The following NOXO1 variants were observed in gnomAD, a reference collection of about 807,000 sequenced individuals.
The protein encoded by NOXO1 is NADPH oxidase regulatory protein.
Under a neutral mutation model 33.3 loss-of-function variants are expected in NOXO1, and 38 were observed. The observed-to-expected ratio is 1.14, with a 90% CI of 0.88 to 1.50. The LOEUF (loss-of-function observed/expected upper bound fraction) is 1.50, where lower values mean the gene tolerates loss of function less well. Ranked by LOEUF, NOXO1 falls within the 40% of genes most tolerant of loss-of-function variation. The pLI, the probability that NOXO1 is intolerant of heterozygous loss-of-function variation, is 0.00. For missense variants in NOXO1, 675 were observed against 527.1 expected, an observed-to-expected ratio of 1.28 and a Z score of -2.75; for synonymous variants, 302 against 237.3, an observed-to-expected ratio of 1.27 and a Z score of -2.51.
At position 1,978,933 on chromosome 16, in the gene NOXO1, T is replaced by G; in HGVS notation, c.*119A>C. 2 of 1,163,708 alleles carry G rather than the reference T, an allele frequency of 1.7e-6. No individual in the cohort carries two copies. The highest frequency in any genetic ancestry group is 1.2e-6 in the Non-Finnish European group (1 of 834,754). The allele number at this position is 1,163,708 out of a possible 1,614,324, so 72.1% of individuals were successfully genotyped here. ...CGGTGGGGGTCATGCAGAACAAGCT[T>G]TACTCAGAGGAACAGCAAATGGCCC... On this transcript the variant is annotated 3_prime_UTR_variant, in exon 8 of 8. Coordinates refer to ENST00000356120, the MANE Select transcript of NOXO1 (RefSeq NM_172167.3).
chr16:1,979,260 C>T lies in NOXO1; in HGVS notation c.908G>A (p.Gly303Glu), dbSNP rs2083443612. The T allele has an allele frequency of 2.0e-6, 3 of 1,534,036 alleles. No homozygotes were observed. Among genetic ancestry groups the T allele is most frequent in the African/African-American group, 1.4e-5 (1 of 71,872 alleles). ...CCGGGCCTCACCCGCCGGGTCGTCTCCTCCACGGAACCCCGTCCCGCTCAG... is the reference window on the plus strand; with the variant it reads ...CCGGGCCTCACCCGCCGGGTCGTCTTCTCCACGGAACCCCGTCCCGCTCAG... ...ALLSGTGFRG[G>E]DDPAGEARGF... The change falls in exon 8 of 8, where the codon GGA (glycine) becomes GAA (glutamate). Residue 303 changes from glycine (G) to glutamate (E), a missense_variant. Transcript: ENST00000356120.
At position 1,980,143 on chromosome 16, in the gene NOXO1, G is replaced by C; in HGVS notation, c.440C>G (p.Ser147Cys). 1.2e-6 allele frequency: 2 copies of C among 1,605,716 alleles called. No homozygotes were observed. The highest frequency in any genetic ancestry group is 2.0e-4 in the Middle Eastern group (1 of 5,030). ...GATGGAGAGGCGGCCCGCAGCGCGA[G>C]AAAGAGGCTGCTCCTCTGGGGTGGG... ...ILPTPEEQPL[S>C]RAAGRLSIHS... is the part of the protein sequence containing the mutation. Residue 147 changes from serine to cysteine, a missense_variant, in exon 5 of 8, where the codon TCT (serine) becomes TGT (cysteine). Physicochemically the swap from Ser to Cys is moderately radical, Grantham distance 112. Transcript: ENST00000356120.
In NOXO1 at chr16:1,981,307, G is replaced by GGGGTCC. The variant is rs2150892277; in HGVS notation, c.-134_-129dup. ...AATCCTGGCAACACCTCAAGCCTGTGGGGTCCTTGTGGAGCCGCCCCAGCT... is the reference window on the plus strand; with the variant it reads ...AATCCTGGCAACACCTCAAGCCTGTGGGGTCCGGGTCCTTGTGGAGCCGCCCCAGCT... On this transcript the variant is annotated 5_prime_UTR_variant, in exon 1 of 8. Transcript: ENST00000356120. The GGGGTCC allele has an allele frequency of 6.8e-7, 1 of 1,472,636 alleles. No homozygotes were observed. The highest frequency in any genetic ancestry group is 1.4e-5 in the South Asian group (1 of 73,932). 91.2% of individuals were successfully genotyped at this position (1,472,636 alleles called of 1,614,324 possible).
rs1453118952 is a variant in NOXO1, at chr16:1,980,928, G to C, written c.147+11C>G. ...GCCACCGCGGCATCAGGGTGGCCCAGGGTCACTCACCTTGAGCTGCCTGAA... is the reference window on the plus strand; with the variant it reads ...GCCACCGCGGCATCAGGGTGGCCCACGGTCACTCACCTTGAGCTGCCTGAA... On this transcript the variant is annotated intron_variant, in intron 2 of 7. Coordinates refer to ENST00000356120, the MANE Select transcript of NOXO1 (RefSeq NM_172167.3). 1 of 1,610,744 alleles carries C rather than the reference G, an allele frequency of 6.2e-7. No individual in the cohort carries two copies. The highest frequency in any genetic ancestry group is 1.1e-5 in the South Asian group (1 of 91,030).
Position 1,979,465 on chromosome 16 carries a change from G to C in NOXO1, c.778C>G (p.Arg260Gly). The C allele has an allele frequency of 3.1e-6, 5 of 1,611,474 alleles. No homozygotes were observed. The South Asian group carries it at 5.5e-5, about 18-fold the overall frequency. The change falls in exon 7 of 8, where the codon CGC becomes GGC. Residue 260 changes from arginine to glycine, a missense_variant. Arg to Gly is a moderately radical substitution (Grantham distance 125, BLOSUM62 -2). Coordinates refer to ENST00000356120, the MANE Select transcript of NOXO1 (RefSeq NM_172167.3). Reference sequence around the variant, plus strand: ...CCGCGGTCTGACGTTTCCAACACGCGCACGCGCGCCCCCGCGGGCACGGAC... The same window carrying C: ...CCGCGGTCTGACGTTTCCAACACGCCCACGCGCGCCCCCGCGGGCACGGAC... Reference protein sequence around the residue: ...ELSVPAGARVRVLETSDRGWW... With the variant: ...ELSVPAGARVGVLETSDRGWW...
At chr16:1,980,623 C>T (rs2083486067) in intron 3 of NOXO1, 33 bp downstream of exon 3, 4 of 1,594,486 alleles carry the variant, frequency 2.5e-6, no homozygotes, top group Non-Finnish European at 3.4e-6. Context: ...CAAGCCACCG[C>T]CTTCCCCGCT....
Position 1,981,370 on chromosome 16 carries a change from C to A in NOXO1, c.-191G>T. On this transcript the variant is annotated 5_prime_UTR_variant, in exon 1 of 8. Coordinates refer to ENST00000356120, the MANE Select transcript of NOXO1 (RefSeq NM_172167.3). ...GCTTTCTTGCTGTCCCCCAAGCCCA[C>A]GATCTGGGGGCAGGAGCACAGGGAT... The A allele has an allele frequency of 5.8e-6, 8 of 1,371,604 alleles. No homozygotes were observed. The highest frequency in any genetic ancestry group is 2.5e-5 in the East Asian group (1 of 39,560). 85.0% of individuals were successfully genotyped at this position (1,371,604 alleles called of 1,614,324 possible).
Position 1,979,522 on chromosome 16 carries a change from G to T in NOXO1, c.721C>A (p.Arg241Ser). ...GSSGPQFCASRAYESSRADEL... is the reference protein window; with the variant it reads ...GSSGPQFCASSAYESSRADEL... ...TCTGCGCGGCTGCTCTCGTAGGCGC[G>T]GGAAGCACAGAACTGGGGACCTGGT... Residue 241 changes from arginine to serine, a missense_variant, in exon 7 of 8, where the codon CGC becomes AGC. Coordinates refer to ENST00000356120, the MANE Select transcript of NOXO1 (RefSeq NM_172167.3). The T allele has an allele frequency of 6.2e-7, 1 of 1,611,124 alleles. No homozygotes were observed. The highest frequency in any genetic ancestry group is 1.3e-5 in the African/African-American group (1 of 75,002).
At position 1,978,962 on chromosome 16, in the gene NOXO1, C is replaced by T. The variant is rs2083433781; in HGVS notation, c.*90G>A. ...TCAGAGGAACAGCAAATGGCCCCCT[C>T]CCATCCCTGCTGGCCAGGGAGATCC... is the stretch of plus-strand genomic sequence containing the variant. On this transcript the variant is annotated 3_prime_UTR_variant, in exon 8 of 8. Coordinates refer to ENST00000356120, the MANE Select transcript of NOXO1 (RefSeq NM_172167.3). 18 of 1,302,134 alleles carry T rather than the reference C, an allele frequency of 1.4e-5. No individual in the cohort carries two copies. The South Asian group carries it at 2.3e-4, about 17-fold the overall frequency. The allele number at this position is 1,302,134 out of a possible 1,614,324, so 80.7% of individuals were successfully genotyped here. A position where few individuals can be genotyped will look rare whatever the true frequency, so the allele number is the denominator to read the frequency against.
In NOXO1 at chr16:1,979,463, G is replaced by A; in HGVS notation, c.780C>T (p.Arg260=). 1 of 1,611,464 alleles carries A rather than the reference G, an allele frequency of 6.2e-7. No individual in the cohort carries two copies. Among genetic ancestry groups the A allele is most frequent in the Non-Finnish European group, 8.5e-7 (1 of 1,179,458 alleles). The change falls in exon 7 of 8, where the codon CGC becomes CGT. Residue 260 remains arginine (R), a synonymous_variant. Coordinates refer to ENST00000356120, the MANE Select transcript of NOXO1 (RefSeq NM_172167.3). ...AGCCGCGGTCTGACGTTTCCAACACGCGCACGCGCGCCCCCGCGGGCACGG... is the reference window on the plus strand; with the variant it reads ...AGCCGCGGTCTGACGTTTCCAACACACGCACGCGCGCCCCCGCGGGCACGG... ...ELSVPAGARV[R]VLETSDRGWW... is the part of the protein sequence containing the mutation.
At position 1,979,152 on chromosome 16, in the gene NOXO1, C is replaced by T; in HGVS notation, c.1016G>A (p.Cys339Tyr). 6.8e-7 allele frequency: 1 copy of T among 1,465,296 alleles called. No individual in the cohort carries two copies. Among genetic ancestry groups the T allele is most frequent in the Non-Finnish European group, 8.9e-7 (1 of 1,119,236 alleles). 90.8% of individuals were successfully genotyped at this position (1,465,296 alleles called of 1,614,324 possible). ...RPSPGAIQSRCCTVTRRALER... is the reference protein window; with the variant it reads ...RPSPGAIQSRYCTVTRRALER... ...CAGGGCCCTGCGTGTGACGGTGCAG[C>T]AGCGGCTCTGGATGGCGCCCGGCGA... Residue 339 changes from cysteine to tyrosine, a missense_variant, in exon 8 of 8, where the codon TGC becomes TAC. Transcript: ENST00000356120.
Position 1,980,372 on chromosome 16 carries a change from G to A in NOXO1, c.396C>T (p.Pro132=), listed in dbSNP as rs749740190. 2 of 1,600,494 alleles carry A rather than the reference G, an allele frequency of 1.2e-6. No homozygotes were observed. Among genetic ancestry groups the A allele is most frequent in the East Asian group, 4.5e-5 (2 of 44,836 alleles). ...GTTTGGGGCGAGTCAGGCACCTGCC[G>A]GGTGGCAGCGCGGGCTCCAGGTCCA... ...QPLDLEPALP[P]GSRVILPTPE... The change falls in exon 4 of 8, where the codon CCC becomes CCT. Residue 132 remains proline (P), a synonymous_variant. Coordinates refer to ENST00000356120, the MANE Select transcript of NOXO1 (RefSeq NM_172167.3).
At chr16:1,979,955 A>G (rs1292448012) in intron 5 of NOXO1, 42 bp downstream of exon 5, 3 of 1,580,818 alleles carry the variant, frequency 1.9e-6, no homozygotes, top group East Asian at 2.3e-5. Context: ...CCTCGGGTCC[A>G]GGAGCAGAGG....
intron 6 of NOXO1, 77 bp from the exon 7 acceptor site, chr16:1,979,619 C>G (rs562857699): frequency 1.4e-5 from 20 of 1,392,450 alleles, no homozygotes; most frequent in Non-Finnish European, 2.0e-5. Flanking sequence ...CCACATTCTC[C>G]TTGCTTGAGT....
Position 1,981,169 on chromosome 16 carries a change from G to A in NOXO1, c.11C>T (p.Pro4Leu). The A allele has an allele frequency of 6.2e-7, 1 of 1,613,626 alleles. No individual in the cohort carries two copies. Among genetic ancestry groups the A allele is most frequent in the Middle Eastern group, 1.7e-4 (1 of 6,052 alleles). The change falls in exon 1 of 8, where the codon CCC (proline) becomes CTC (leucine). Residue 4 changes from proline to leucine, a missense_variant. Coordinates refer to ENST00000356120, the MANE Select transcript of NOXO1 (RefSeq NM_172167.3). The part of the protein sequence containing the change: MAG[P>L]RYPVSVQGAA... The stretch of plus-strand genomic sequence containing the variant: ...CCCTTGCACTGAAACTGGGTATCGG[G>A]GGCCTGCCATGGCTGTGGCTTCCAG...
rs2083504506 is a variant in NOXO1, at chr16:1,981,257, G to A, written c.-78C>T. 16 of 1,591,224 alleles carry A rather than the reference G, an allele frequency of 1.0e-5. No individual in the cohort carries two copies. The highest frequency in any genetic ancestry group is 1.4e-5 in the Non-Finnish European group (16 of 1,169,666). The stretch of plus-strand genomic sequence containing the variant: ...TCCCCGTGCTTGAGAGGGCTCTGGG[G>A]GACCCAGAAAACCCCCTGGGATAGA... On this transcript the variant is annotated 5_prime_UTR_variant, in exon 1 of 8. Coordinates refer to ENST00000356120, the MANE Select transcript of NOXO1 (RefSeq NM_172167.3).
At position 1,979,804 on chromosome 16, in the gene NOXO1, G is replaced by C. The variant is rs1275189439; in HGVS notation, c.686C>G (p.Ser229Cys). ...APGQGREGGP[S>C]LGSSGPQFCA... ...TAGGCGCATACCGCTGCTCCCTAGG[G>C]ACGGGCCTCCCTCCCGGCCTTGGCC... Residue 229 changes from serine to cysteine, a missense_variant, in exon 6 of 8, where the codon TCC (serine) becomes TGC (cysteine). Coordinates refer to ENST00000356120, the MANE Select transcript of NOXO1 (RefSeq NM_172167.3). 6.4e-7 allele frequency: 1 copy of C among 1,557,150 alleles called. No individual in the cohort carries two copies. The highest frequency in any genetic ancestry group is 1.4e-5 in the African/African-American group (1 of 73,562).
chr16:1,979,395 C>G, intron 7 of NOXO1, 30 bp downstream of exon 7: 2 of 1,599,782 alleles, frequency 1.3e-6, no homozygotes, highest in South Asian at 2.2e-5. Context: ...CCTCGGCTAG[C>G]CTGCCCTGCC....
Position 1,981,461 on chromosome 16 carries a change from T to C in NOXO1, c.-282A>G, listed in dbSNP as rs2083509196. Reference sequence around the variant, plus strand: ...AATGAGCTTTCCAGCCCTGGAGGCGTGCAAGACTGAAGAAGGGGCGAAGGG... The same window carrying C: ...AATGAGCTTTCCAGCCCTGGAGGCGCGCAAGACTGAAGAAGGGGCGAAGGG... On this transcript the variant is annotated 5_prime_UTR_variant, in exon 1 of 8. Coordinates refer to ENST00000356120, the MANE Select transcript of NOXO1 (RefSeq NM_172167.3). 1 of 671,916 alleles carries C rather than the reference T, an allele frequency of 1.5e-6. No individual in the cohort carries two copies. The highest frequency in any genetic ancestry group is 2.3e-6 in the Non-Finnish European group (1 of 428,756). 41.6% of individuals were successfully genotyped at this position (671,916 alleles called of 1,614,324 possible).
Sources: gnomAD v4.1 joint callset for allele counts on GRCh38, gnomAD v4.1.1 for gene constraint, MANE v1.5 for transcripts, NCBI Gene and HGNC (gene_info 2026-07-23, HGNC 2026-07-21) for gene names.